The following DDX59 variants were observed in gnomAD, a reference collection of about 807,000 sequenced individuals.
DDX59 encodes the protein probable ATP-dependent RNA helicase DDX59.
DDX59 carries 30 observed loss-of-function variants against 51.9 expected under a neutral mutation model. The observed-to-expected ratio is 0.58, with a 90% CI of 0.43 to 0.78. DDX59 has a LOEUF of 0.78. Among genes scored for constraint, DDX59 ranks in the 30% least tolerant of loss-of-function variants. The pLI, the probability that DDX59 is intolerant of heterozygous loss-of-function variation, is 0.00. For missense variants in DDX59, 672 were observed against 730.8 expected (o/e 0.92, Z 0.93); for synonymous variants, 255 against 253.3 (o/e 1.01, Z -0.06).
downstream of DDX59, among the ~76,000 whole-genome samples, chr1:200,643,640 C>T (rs1661118124): frequency 6.6e-6 from 1 of 152,036 alleles, no homozygotes; most frequent in Non-Finnish European, 1.5e-5. Flanking sequence ...GAGACTCTGT[C>T]TCAAAACAAA....
intron 4 of DDX59, among the ~76,000 whole-genome samples, chr1:200,655,396 T>TA (rs1217830454): frequency 1.3e-5 from 2 of 152,150 alleles, no homozygotes; most frequent in Non-Finnish European, 2.9e-5. Context: ...TGGCTGCTCT[T>TA]AGATTCTTTC....
intron 1 of DDX59, among the ~76,000 whole-genome samples, chr1:200,667,771 A>G (rs1323532527): frequency 6.6e-6 from 1 of 152,090 alleles, no homozygotes; most frequent in East Asian, 1.9e-4. Context: ...GCTTCACCTA[A>G]TCTTCACAAC....
chr1:200,666,617 C>T lies in DDX59; in HGVS notation c.124G>A (p.Val42Ile), dbSNP rs1176238565. The T allele has an allele frequency of 8.1e-6, 13 of 1,614,062 alleles. No individual in the cohort carries two copies. The highest frequency in any genetic ancestry group is 6.7e-5 in the Admixed American group (4 of 59,996). ...LQLDKSRDVP[V>I]DAVATEAATI... ...GCTGCTTCTGTAGCTACAGCATCAA[C>T]GGGAACATCTCTGCTTTTGTCCAAC... is the stretch of plus-strand genomic sequence containing the variant. The change falls in exon 2 of 8, where the codon GTT becomes ATT. Residue 42 changes from valine to isoleucine, a missense_variant. By Grantham distance (29) the Val-to-Ile change is conservative. Coordinates refer to ENST00000331314, the MANE Select transcript of DDX59 (RefSeq NM_001031725.6).
At position 200,666,638 on chromosome 1, in the gene DDX59, C is replaced by T. The variant is rs781701767; in HGVS notation, c.103G>A (p.Asp35Asn). The change falls in exon 2 of 8, where the codon GAC becomes AAC. Residue 35 changes from aspartate (D) to asparagine (N), a missense_variant. Coordinates refer to ENST00000331314, the MANE Select transcript of DDX59 (RefSeq NM_001031725.6). ...TCAACGGGAACATCTCTGCTTTTGT[C>T]CAACTGAAGGTCTTCTGGGTCTGGT... ...IKPDPEDLQL[D>N]KSRDVPVDAV... 6.2e-7 allele frequency: 1 copy of T among 1,614,210 alleles called. No individual in the cohort carries two copies. Among genetic ancestry groups the T allele is most frequent in the South Asian group, 1.1e-5 (1 of 91,082 alleles).
downstream of DDX59, among the ~76,000 whole-genome samples, chr1:200,642,761 T>C (rs2102822241): frequency 6.6e-6 from 1 of 152,306 alleles, no homozygotes. Flanking sequence ...TGCGCTTAAC[T>C]CTCATAATAA....
chr1:200,660,714 T>C (rs564832613), intron 3 of DDX59, among the ~76,000 whole-genome samples: 3 of 152,306 alleles, frequency 2.0e-5, no homozygotes, highest in East Asian at 3.9e-4. Context: ...CTAATAAATA[T>C]AGATACAGAA....
intron 1 of DDX59, among the ~76,000 whole-genome samples, chr1:200,667,588 TTGAAG>T (rs1054658808): frequency 1.3e-5 from 2 of 152,222 alleles, no homozygotes; most frequent in African/African-American, 4.8e-5. Context: ...TATTTGCACT[TTGAAG>T]TATCAGATAT....
chr1:200,644,943 T>A (rs1571604448), intron 7 of DDX59, among the ~76,000 whole-genome samples: 1 of 146,742 alleles, frequency 6.8e-6, no homozygotes, highest in Admixed American at 6.8e-5. Flanking sequence ...TTAACCTTCA[T>A]CCAGACAGCA....
At chr1:200,667,794 T>C (rs1054731159) in intron 1 of DDX59, among the ~76,000 whole-genome samples, 2 of 151,106 alleles carry the variant, frequency 1.3e-5, no homozygotes, top group Non-Finnish European at 2.9e-5. Context: ...TGTAAAGCAG[T>C]TAGCATTGCC....
rs1045664007 is a variant in DDX59 at position 200,648,459 on chromosome 1, T to C, written c.1576A>G (p.Met526Val). The change falls in exon 7 of 8, where the codon ATG becomes GTG. Residue 526 changes from methionine (M) to valine (V), a missense_variant. Transcript: ENST00000331314. Reference protein sequence around the residue: ...LVVNFDMPSSMDEYVHQIGRV... With the variant: ...LVVNFDMPSSVDEYVHQIGRV... ...CTTACCTGATGGACATACTCATCCA[T>C]ACTTGAAGGCATATCAAAATTGACA... The C allele has an allele frequency of 6.2e-7, 1 of 1,614,148 alleles. No homozygotes were observed.
chr1:200,665,083 A>G (rs1424570600), intron 2 of DDX59, among the ~76,000 whole-genome samples: 1 of 152,236 alleles, frequency 6.6e-6, no homozygotes, highest in African/African-American at 2.4e-5. Context: ...ACTATTTGTG[A>G]AAGTGCTCTA....
At chr1:200,658,207 C>T (rs779029858) in intron 4 of DDX59, among the ~76,000 whole-genome samples, 2 of 152,188 alleles carry the variant, frequency 1.3e-5, no homozygotes, top group Admixed American at 6.5e-5. Flanking sequence ...GCATGTGCCC[C>T]GCAGGCAGAA....
chr1:200,659,586 G>A (rs995992946), intron 3 of DDX59, among the ~76,000 whole-genome samples: 5 of 152,200 alleles, frequency 3.3e-5, no homozygotes, highest in Non-Finnish European at 7.3e-5. Flanking sequence ...TGAAAATTCC[G>A]TAACATCTTT....
At position 200,649,123 on chromosome 1, in the gene DDX59, A is replaced by G; in HGVS notation, c.1418T>C (p.Ile473Thr). ...AVQKITGLKS[I>T]SIHSEKSQIE... Reference sequence around the variant, plus strand: ...TTGCGACTTCTCTGAATGTATAGATATGCTTTTCAGCCCTGTGATTTTCTG... The same window carrying G: ...TTGCGACTTCTCTGAATGTATAGATGTGCTTTTCAGCCCTGTGATTTTCTG... Residue 473 changes from isoleucine to threonine, a missense_variant, in exon 6 of 8, where the codon ATA becomes ACA. Ile to Thr is a moderately conservative substitution (Grantham distance 89). Coordinates refer to ENST00000331314, the MANE Select transcript of DDX59 (RefSeq NM_001031725.6). 1 of 1,587,590 alleles carries G rather than the reference A, an allele frequency of 6.3e-7. No homozygotes were observed. The highest frequency in any genetic ancestry group is 8.5e-7 in the Non-Finnish European group (1 of 1,172,448).
rs1661444612 is a variant in DDX59 at position 200,648,534 on chromosome 1, T to G, written c.1501A>C (p.Ser501Arg). 6.2e-7 allele frequency: 1 copy of G among 1,613,944 alleles called. No individual in the cohort carries two copies. The highest frequency in any genetic ancestry group is 8.5e-7 in the Non-Finnish European group (1 of 1,179,882). The part of the protein sequence containing the change: ...LLEGDYEVVV[S>R]TGVLGRGLDL... ...AGGCCTCGTCCCAAGACTCCTGTGC[T>G]CACTACAACTTCATAGTCTCCTTCA... The change falls in exon 7 of 8, where the codon AGC (serine) becomes CGC (arginine). Residue 501 changes from serine (S) to arginine (R), a missense_variant. Coordinates refer to ENST00000331314, the MANE Select transcript of DDX59 (RefSeq NM_001031725.6).
At chr1:200,647,363 T>G (rs902217150) in intron 7 of DDX59, among the ~76,000 whole-genome samples, 3 of 151,548 alleles carry the variant, frequency 2.0e-5, no homozygotes, top group African/African-American at 7.3e-5. Context: ...GAAGAGGAGA[T>G]GAAGACAAGA....
intron 5 of DDX59, among the ~76,000 whole-genome samples, chr1:200,649,463 C>T (rs1026019048): frequency 1.3e-5 from 2 of 151,784 alleles, no homozygotes; most frequent in African/African-American, 4.8e-5. Context: ...CCCGTCTCTA[C>T]TAAAAATACA....
At chr1:200,647,490 G>A (rs1395470252) in intron 7 of DDX59, among the ~76,000 whole-genome samples, 1 of 150,480 alleles carries the variant, frequency 6.6e-6, no homozygotes, top group Non-Finnish European at 1.5e-5. Context: ...TATGTTCACT[G>A]AAGAAAATAA....
Position 200,650,489 on chromosome 1 carries a change from A to T in DDX59, c.1250T>A (p.Val417Glu). The T allele has an allele frequency of 6.2e-7, 1 of 1,614,074 alleles. No individual in the cohort carries two copies. Among genetic ancestry groups the T allele is most frequent in the Non-Finnish European group, 8.5e-7 (1 of 1,179,948 alleles). The change falls in exon 5 of 8, where the codon GTA (valine) becomes GAA (glutamate). Residue 417 changes from valine (V) to glutamate (E), a missense_variant. Transcript: ENST00000331314. The stretch of plus-strand genomic sequence containing the variant: ...TTCTACCCACAAAATAATCTGACGT[A>T]CATTGGCACAAGGTAGGTTCTTTTC... ...TGEKNLPCAN[V>E]RQIILWVEDP... is the part of the protein sequence containing the mutation.
Sources: gnomAD v4.1 joint callset for allele counts (sites outside exome capture counted in the v4.1 genomes callset) on GRCh38, gnomAD v4.1.1 for gene constraint, MANE v1.5 for transcripts, NCBI Gene and HGNC (gene_info 2026-07-23, HGNC 2026-07-21) for gene names.